Variants in NEK10 observed in about 807,000 individuals in gnomAD.
NEK10 encodes serine/threonine-protein kinase Nek10.
NEK10 carries 122 observed loss-of-function variants against 159.8 expected under a neutral mutation model. The ratio of observed to expected loss-of-function variants is 0.76; its 90% CI spans 0.66 to 0.89. The LOEUF is 0.89. Among genes scored for constraint, NEK10 ranks in the 40% least tolerant of loss-of-function variants. The probability of loss-of-function intolerance (pLI) is 0.00; values close to 1 mark genes in which losing one functional copy is unlikely to be tolerated. For missense variants in NEK10, 1,342 were observed against 1,323.1 expected (o/e 1.01, Z -0.22); for synonymous variants, 466 against 457.1 (o/e 1.02, Z -0.25).
At chr3:27,118,300 C>A (rs561592817) in intron 33 of NEK10, among the ~76,000 whole-genome samples, 3 of 152,132 alleles carry the variant, frequency 2.0e-5, no homozygotes, top group Non-Finnish European at 4.4e-5. Flanking sequence ...GCTGGACAGA[C>A]TTTATGATGG....
intron 5 of NEK10, among the ~76,000 whole-genome samples, chr3:27,331,788 TA>T (rs1356990802): frequency 1.3e-5 from 2 of 152,360 alleles, no homozygotes; most frequent in East Asian, 3.9e-4. Flanking sequence ...TGTTTTCTCC[TA>T]ATTCAACAAG....
chr3:27,140,753 A>G (rs761409227), intron 31 of NEK10, among the ~76,000 whole-genome samples: 1 of 152,302 alleles, frequency 6.6e-6, no homozygotes, highest in South Asian at 2.1e-4. Flanking sequence ...GATGTATCCC[A>G]AGTCCCTAGA....
rs556084494 is a variant in NEK10, at chr3:27,365,419, A to C, written c.-38+3806T>G. On this transcript the variant is annotated intron_variant, in intron 1 of 35. Transcript: ENST00000691995. ...ACTATTTCTAATATAAGATTTAATAAGCTTTGAATTGATGCCAACTGTATG... is the reference window on the plus strand; with the variant it reads ...ACTATTTCTAATATAAGATTTAATACGCTTTGAATTGATGCCAACTGTATG... Among the ~76,000 whole-genome samples the C allele has an allele frequency of 2.3e-4, 35 of 152,288 alleles. No homozygotes were observed. The South Asian group carries it at 7.3e-3, about 32-fold the overall frequency.
intron 26 of NEK10, among the ~76,000 whole-genome samples, chr3:27,187,899 T>C (rs918699433): frequency 6.6e-6 from 1 of 152,144 alleles, no homozygotes; most frequent in Non-Finnish European, 1.5e-5. Context: ...CAAACATCCA[T>C]CATCTAGCTC....
intron 22 of NEK10, among the ~76,000 whole-genome samples, chr3:27,281,836 T>A (rs2042181852): frequency 6.6e-6 from 1 of 151,302 alleles, no homozygotes; most frequent in Admixed American, 6.6e-5. Flanking sequence ...GAATGAGGAG[T>A]CCAGGAAAAC....
At chr3:27,290,509 C>T in intron 19 of NEK10, 108 bp downstream of exon 19, 1 of 778,124 alleles carries the variant, frequency 1.3e-6, no homozygotes. Flanking sequence ...TCAATTATTT[C>T]ACATGGAACT....
chr3:27,330,345 G>A (rs988806887), intron 5 of NEK10, among the ~76,000 whole-genome samples: 1 of 152,170 alleles, frequency 6.6e-6, no homozygotes, highest in Non-Finnish European at 1.5e-5. Context: ...TTAAGGTTGT[G>A]AAGCTTTGAG....
Position 27,108,895 on chromosome 3 carries a change from AAT to A in NEK10, c.*2375_*2376del, listed in dbSNP as rs1939240416. Among the ~76,000 whole-genome samples the A allele has an allele frequency of 6.6e-6, 1 of 152,218 alleles. No individual in the cohort carries two copies. Among genetic ancestry groups the A allele is most frequent in the African/African-American group, 2.4e-5 (1 of 41,456 alleles). On this transcript the variant is annotated 3_prime_UTR_variant, in exon 36 of 36. Coordinates refer to ENST00000691995, the MANE Select transcript of NEK10 (RefSeq NM_001394966.1). ...TGACTTTCTCTTAGAGACATGGGAA[AAT>A]ATAGACTCAGTGATTGTGGTAGTTT... is the stretch of plus-strand genomic sequence containing the variant.
intron 1 of NEK10, among the ~76,000 whole-genome samples, chr3:27,366,697 T>A (rs1052367688): frequency 6.6e-6 from 1 of 152,070 alleles, no homozygotes; most frequent in Non-Finnish European, 1.5e-5. Context: ...TCAAGTACTA[T>A]AACAACAGGA....
intron 1 of NEK10, among the ~76,000 whole-genome samples, chr3:27,362,277 A>G (rs909834657): frequency 3.9e-5 from 6 of 152,156 alleles, no homozygotes; most frequent in Non-Finnish European, 7.3e-5. Context: ...AAGGATCTGG[A>G]AGAAGGCAAG....
intron 22 of NEK10, among the ~76,000 whole-genome samples, chr3:27,271,149 T>TTCTATCTATCTA (rs72089289): frequency 3.2e-4 from 48 of 148,170 alleles, no homozygotes; most frequent in Middle Eastern, 3.5e-3. Flanking sequence ...TCTATCTATC[T>TTCTATCTATCTA]TCTATCTATC....
At position 27,156,965 on chromosome 3, in the gene NEK10, T is replaced by C. The variant is rs1178881053; in HGVS notation, c.2869+5736A>G. ...ATATATATATATATATATATATATA[T>C]ATATATATATATATGATGAAATACT... On this transcript the variant is annotated intron_variant, in intron 30 of 35. Coordinates refer to ENST00000691995, the MANE Select transcript of NEK10 (RefSeq NM_001394966.1). 5.4e-4 allele frequency among the ~76,000 whole-genome samples: 67 copies of C among 125,072 alleles called. 2 individuals carry two copies. Among genetic ancestry groups the C allele is most frequent in the African/African-American group, 1.9e-3 (64 of 33,166 alleles). 82.1% of individuals were successfully genotyped at this position (125,072 alleles called of 152,430 possible).
intron 5 of NEK10, among the ~76,000 whole-genome samples, chr3:27,330,640 C>T (rs1310668809): frequency 1.3e-5 from 2 of 152,088 alleles, no homozygotes; most frequent in South Asian, 4.1e-4. Context: ...CAAAGAAATT[C>T]CAAATGAACA....
chr3:27,290,723 G>C lies in NEK10; in HGVS notation c.1637C>G (p.Ala546Gly), dbSNP rs2042937534. ...GTTATGTAAATTGACCTCTTTCATT[G>C]CTAAAAGATTTTGACCACTATGCTT... ...VRKHSGQNLL[A>G]MKEVNLHNPA... The change falls in exon 19 of 36, where the codon GCA (alanine) becomes GGA (glycine). Residue 546 changes from alanine (A) to glycine (G), a missense_variant. Physicochemically the swap from Ala to Gly is moderately conservative, Grantham distance 60. Transcript: ENST00000691995. The C allele has an allele frequency of 6.2e-7, 1 of 1,607,586 alleles. No individual in the cohort carries two copies. The highest frequency in any genetic ancestry group is 8.5e-7 in the Non-Finnish European group (1 of 1,175,794).
chr3:27,304,679 C>A, intron 12 of NEK10, 68 bp downstream of exon 12: 1 of 971,428 alleles, frequency 1.0e-6, no homozygotes. Context: ...ACCAATCTGC[C>A]ATCTTGTCAC....
At chr3:27,365,018 T>C (rs543637141) in intron 1 of NEK10, among the ~76,000 whole-genome samples, 1 of 152,320 alleles carries the variant, frequency 6.6e-6, no homozygotes, top group East Asian at 1.9e-4. Flanking sequence ...AGAGCAGAGA[T>C]TTGAAGCCAG....
intron 1 of NEK10, among the ~76,000 whole-genome samples, chr3:27,359,535 T>C (rs1447939269): frequency 6.6e-6 from 1 of 152,238 alleles, no homozygotes; most frequent in African/African-American, 2.4e-5. Flanking sequence ...ATTTCTCTAA[T>C]TCCTTTACTG....
chr3:27,152,222 A>G (rs1944953573), intron 30 of NEK10, among the ~76,000 whole-genome samples: 1 of 152,192 alleles, frequency 6.6e-6, no homozygotes, highest in Non-Finnish European at 1.5e-5. Context: ...TGAAGGAAAG[A>G]ATCTTAAGAG....
At chr3:27,282,538 T>TTATATA (rs10525422) in intron 22 of NEK10, among the ~76,000 whole-genome samples, 2,765 of 42,106 alleles carry the variant, frequency 0.066, 571 homozygotes, top group Middle Eastern at 0.11. Context: ...CATAAATGTG[T>TTATATA]TATATATATA....
Sources: gnomAD v4.1 joint callset for allele counts (sites outside exome capture counted in the v4.1 genomes callset) on GRCh38, gnomAD v4.1.1 for gene constraint, MANE v1.5 for transcripts, NCBI Gene and HGNC (gene_info 2026-07-23, HGNC 2026-07-21) for gene names.